The following CFAP221 variants were observed in gnomAD, a reference collection of about 807,000 sequenced individuals.
CFAP221 encodes the protein cilia and flagella associated protein 221, also known as cilia- and flagella-associated protein 221.
CFAP221 carries 97 observed loss-of-function variants against 113.1 expected under a neutral mutation model. The observed-to-expected ratio is 0.86, with a 90% CI of 0.73 to 1.02. The LOEUF is 1.02. CFAP221 is among the 50% of genes least tolerant of loss of function. CFAP221 has a pLI of 0.00. For synonymous variants in CFAP221, 331 were observed against 354.4 expected (o/e 0.93, Z 0.74); for missense variants, 1,025 against 1,013.4 (o/e 1.01, Z -0.16).
At chr2:119,556,762 G>C (rs1046783064) in intron 3 of CFAP221, among the ~76,000 whole-genome samples, 11 of 151,912 alleles carry the variant, frequency 7.2e-5, no homozygotes, top group Admixed American at 3.3e-4. Context: ...ATGTTGGCCA[G>C]ACTGGTCTCA....
chr2:119,567,751 G>A (rs1436080351), intron 6 of CFAP221, among the ~76,000 whole-genome samples: 1 of 152,162 alleles, frequency 6.6e-6, no homozygotes, highest in African/African-American at 2.4e-5. Context: ...TTTAATTGGT[G>A]CAGTTAGACT....
At chr2:119,590,840 A>G (rs977593398) in intron 7 of CFAP221, among the ~76,000 whole-genome samples, 1 of 152,130 alleles carries the variant, frequency 6.6e-6, no homozygotes, top group African/African-American at 2.4e-5. Flanking sequence ...ACTCCTGCGG[A>G]CAGGTGAGAC....
chr2:119,604,733 G>A lies in CFAP221; in HGVS notation c.853G>A (p.Ala285Thr), dbSNP rs777017525. Residue 285 changes from alanine (A) to threonine (T), a missense_variant, in exon 9 of 24, where the codon GCA (alanine) becomes ACA (threonine). Coordinates refer to ENST00000413369, the MANE Select transcript of CFAP221 (RefSeq NM_001271049.2). The stretch of plus-strand genomic sequence containing the variant: ...GAAAGTAAACGTTCCTCCAGAAAAA[G>A]CAATGATGCATATAAATTTTCACCG... ...SKKVNVPPEKAMMHINFHRPP... is the reference protein window; with the variant it reads ...SKKVNVPPEKTMMHINFHRPP... 1.4e-5 allele frequency: 22 copies of A among 1,550,358 alleles called. No homozygotes were observed. Among genetic ancestry groups the A allele is most frequent in the African/African-American group, 1.3e-4 (9 of 71,858 alleles).
chr2:119,559,833 G>A, intron 4 of CFAP221, 58 bp downstream of exon 4: 1 of 1,480,348 alleles, frequency 6.8e-7, no homozygotes, highest in Non-Finnish European at 9.1e-7. Flanking sequence ...TCTCAGGCCT[G>A]TGTGGGGTGG....
intron 21 of CFAP221, among the ~76,000 whole-genome samples, chr2:119,644,003 ATTAG>A (rs1687649396): frequency 6.6e-6 from 1 of 151,952 alleles, no homozygotes; most frequent in South Asian, 2.1e-4. Flanking sequence ...AAATACAAAA[ATTAG>A]TTAGGTATGG....
chr2:119,614,279 C>T (rs929037256), intron 13 of CFAP221, among the ~76,000 whole-genome samples: 2 of 152,170 alleles, frequency 1.3e-5, no homozygotes, highest in Non-Finnish European at 2.9e-5. Context: ...GCAAACTGTT[C>T]CAATCTCTGC....
chr2:119,604,784 A>C lies in CFAP221; in HGVS notation c.904A>C (p.Lys302Gln), dbSNP rs1400025880. Reference sequence around the variant, plus strand: ...ACCGCCAGCGAAGCCGAAGCCTCAGAAGGTGAAGGTACGGTGGGCCTTGTC... The same window carrying C: ...ACCGCCAGCGAAGCCGAAGCCTCAGCAGGTGAAGGTACGGTGGGCCTTGTC... ...HRPPAKPKPQ[K>Q]VKEIEYQNLR... Residue 302 changes from lysine to glutamine, a missense_variant, in exon 9 of 24, where the codon AAG becomes CAG. Lys to Gln is a moderately conservative substitution (Grantham distance 53). Transcript: ENST00000413369. The C allele has an allele frequency of 6.4e-7, 1 of 1,553,488 alleles. No homozygotes were observed. The highest frequency in any genetic ancestry group is 2.1e-5 in the Admixed American group (1 of 46,774).
intron 8 of CFAP221, 53 bp downstream of exon 8, chr2:119,601,430 C>T: frequency 7.2e-7 from 1 of 1,391,020 alleles, no homozygotes; most frequent in Non-Finnish European, 9.5e-7. Flanking sequence ...TTTGAAAATC[C>T]AAGTCTTCCT....
At chr2:119,605,973 C>G (rs1684726623) in intron 11 of CFAP221, among the ~76,000 whole-genome samples, 1 of 152,006 alleles carries the variant, frequency 6.6e-6, no homozygotes, top group African/African-American at 2.4e-5. Flanking sequence ...ACTGAAATGT[C>G]TAGTAACTGA....
chr2:119,597,259 C>T (rs550213517), intron 7 of CFAP221, among the ~76,000 whole-genome samples: 5 of 152,124 alleles, frequency 3.3e-5, no homozygotes, highest in Admixed American at 1.3e-4. Flanking sequence ...AGCGGAGTTA[C>T]ACAATTCATG....
chr2:119,549,943 C>G (rs999350869), intron 3 of CFAP221, among the ~76,000 whole-genome samples: 6 of 152,232 alleles, frequency 3.9e-5, no homozygotes, highest in African/African-American at 1.2e-4. Context: ...AGGGTGGGCT[C>G]TGCCTTACTT....
At chr2:119,610,897 C>T (rs1435669985) in intron 12 of CFAP221, among the ~76,000 whole-genome samples, 1 of 152,180 alleles carries the variant, frequency 6.6e-6, no homozygotes, top group African/African-American at 2.4e-5. Flanking sequence ...CCCACCTGGG[C>T]AGACACATAT....
intron 22 of CFAP221, 141 bp downstream of exon 22, chr2:119,647,191 T>C (rs1021918505): frequency 1.7e-6 from 1 of 573,094 alleles, no homozygotes; most frequent in Admixed American, 3.2e-5. Context: ...CACCCATCCA[T>C]ACCATCACCT....
chr2:119,570,496 CA>C (rs1681968797), intron 6 of CFAP221, among the ~76,000 whole-genome samples: 2 of 152,066 alleles, frequency 1.3e-5, no homozygotes, highest in South Asian at 2.1e-4. Context: ...ATAACCCCCC[CA>C]AAAAAACCCA....
At chr2:119,645,821 T>A (rs1687770343) in intron 21 of CFAP221, among the ~76,000 whole-genome samples, 1 of 152,222 alleles carries the variant, frequency 6.6e-6, no homozygotes, top group Non-Finnish European at 1.5e-5. Flanking sequence ...CTTCGCTGTT[T>A]TTCATGAGAC....
chr2:119,591,041 A>G (rs1339956961), intron 7 of CFAP221, among the ~76,000 whole-genome samples: 1 of 152,180 alleles, frequency 6.6e-6, no homozygotes, highest in Non-Finnish European at 1.5e-5. Flanking sequence ...AGAAATGAAA[A>G]CATGCAGGCC....
intron 1 of CFAP221, chr2:119,545,205 C>T (rs1679968894): frequency 6.6e-6 from 1 of 152,280 alleles, no homozygotes; most frequent in South Asian, 2.1e-4. Context: ...ACACAAAGAT[C>T]CACACTAATT....
chr2:119,657,797 C>A (rs1688488942), downstream of CFAP221, among the ~76,000 whole-genome samples: 1 of 152,118 alleles, frequency 6.6e-6, no homozygotes, highest in African/African-American at 2.4e-5. Flanking sequence ...TGTAGACTGG[C>A]CTTCAGAGTG....
intron 7 of CFAP221, among the ~76,000 whole-genome samples, chr2:119,599,341 T>A (rs1458653519): frequency 2.0e-5 from 3 of 152,184 alleles, no homozygotes; most frequent in Non-Finnish European, 4.4e-5. Context: ...AAGGTTCCTG[T>A]GGAGGGAGAG....
Sources: allele counts gnomAD v4.1 joint callset (sites outside exome capture counted in the v4.1 genomes callset), GRCh38; gene constraint gnomAD v4.1.1; transcripts MANE v1.5; gene names NCBI Gene and HGNC (gene_info 2026-07-23, HGNC 2026-07-21).